The following CKLF variants were observed in gnomAD, a reference collection of about 807,000 sequenced individuals.
CKLF encodes chemokine like factor.
A neutral mutation model predicts 12.9 loss-of-function variants in CKLF; 16 were observed. That is an observed-to-expected ratio of 1.24 (90% CI 0.84 to 1.88). The LOEUF is 1.88. Among genes scored for constraint, CKLF ranks in the 40% most tolerant of loss-of-function variants. The pLI is 0.00. For missense variants in CKLF, 172 were observed against 188.5 expected, an observed-to-expected ratio of 0.91 and a Z score of 0.51; for synonymous variants, 61 against 69.0, an observed-to-expected ratio of 0.88 and a Z score of 0.57.
intron 3 of CKLF, 196 bp from the exon 4 acceptor site, chr16:66,565,690 A>C (rs1463547414): frequency 8.4e-6 from 5 of 598,714 alleles, no homozygotes; most frequent in Non-Finnish European, 1.5e-5. Context: ...TTCTATAGGC[A>C]AGTATTTAGA....
At chr16:66,553,028 C>T (rs1344390235) in intron 1 of CKLF, among the ~76,000 whole-genome samples, 1 of 152,080 alleles carries the variant, frequency 6.6e-6, no homozygotes, top group East Asian at 1.9e-4. Flanking sequence ...GGCGCCGTGG[C>T]GCACACCTGT....
intron 2 of CKLF, among the ~76,000 whole-genome samples, chr16:66,561,100 G>C (rs1391377107): frequency 1.3e-5 from 2 of 152,178 alleles, no homozygotes; most frequent in Admixed American, 1.3e-4. Flanking sequence ...ATGGCTGACT[G>C]TTCCAATTAA....
At chr16:66,562,730 C>G (rs1244790584) in intron 2 of CKLF, among the ~76,000 whole-genome samples, 1 of 151,980 alleles carries the variant, frequency 6.6e-6, no homozygotes, top group East Asian at 1.9e-4. Context: ...GAAGCTGACT[C>G]CTTTTGTTGC....
intron 3 of CKLF, among the ~76,000 whole-genome samples, chr16:66,564,680 A>C (rs8060922): frequency 0.25 from 38,603 of 152,066 alleles, 7,340 homozygotes; most frequent in African/African-American, 0.53. Flanking sequence ...CCGTGTTAAC[A>C]AGGATGGTCT....
Position 66,558,226 on chromosome 16 carries a change from G to A in CKLF, c.115G>A (p.Ala39Thr), listed in dbSNP as rs770812519. The A allele has an allele frequency of 1.9e-5, 31 of 1,611,724 alleles. No homozygotes were observed. The highest frequency in any genetic ancestry group is 3.4e-5 in the Admixed American group (2 of 59,498). ...GACATCTATGACCTTTTTTATCATC[G>A]CACAAGCCCCTGAACCATATATTGT... ...TVTSMTFFII[A>T]QAPEPYIVIT... Residue 39 changes from alanine (A) to threonine (T), a missense_variant, in exon 2 of 4, where the codon GCA becomes ACA. Physicochemically the swap from Ala to Thr is moderately conservative, Grantham distance 58. Transcript: ENST00000264001.
chr16:66,558,455 A>C, intron 2 of CKLF, 107 bp downstream of exon 2: 1 of 1,447,236 alleles, frequency 6.9e-7, no homozygotes, highest in Non-Finnish European at 9.2e-7. Context: ...AATCTCTGTT[A>C]GGCTTAGGAA....
Position 66,552,759 on chromosome 16 carries a change from T to G in CKLF, c.44T>G (p.Phe15Cys). 1 of 1,614,108 alleles carries G rather than the reference T, an allele frequency of 6.2e-7. No individual in the cohort carries two copies. The highest frequency in any genetic ancestry group is 8.5e-7 in the Non-Finnish European group (1 of 1,179,974). The part of the protein sequence containing the change: ...QPKIKHRPFC[F>C]SVKGHVKMLR... ...AAAATAAAACATCGCCCCTTCTGCT[T>G]CAGTGTGAAAGGCCACGTGAAGATG... is the stretch of plus-strand genomic sequence containing the variant. The change falls in exon 1 of 4, where the codon TTC becomes TGC. Residue 15 changes from phenylalanine to cysteine, a missense_variant. Physicochemically the swap from Phe to Cys is radical, Grantham distance 205. Transcript: ENST00000264001.
chr16:66,565,852 T>C (rs772653706), intron 3 of CKLF, 34 bp from the exon 4 acceptor site: 6 of 1,609,374 alleles, frequency 3.7e-6, no homozygotes, highest in Non-Finnish European at 5.1e-6. Context: ...GTGGGGACCA[T>C]GGTTAGGGCA....
At chr16:66,565,207 A>G (rs1278990327) in intron 3 of CKLF, among the ~76,000 whole-genome samples, 1 of 152,152 alleles carries the variant, frequency 6.6e-6, no homozygotes, top group Non-Finnish European at 1.5e-5. Context: ...CTTCCTGATG[A>G]CTGGAAGAAG....
intron 2 of CKLF, among the ~76,000 whole-genome samples, chr16:66,559,783 T>C (rs1426008262): frequency 6.6e-6 from 1 of 152,210 alleles, no homozygotes; most frequent in East Asian, 1.9e-4. Context: ...TTTACTGATA[T>C]TGTATCTCTT....
chr16:66,554,548 A>G (rs2011338100), intron 1 of CKLF, among the ~76,000 whole-genome samples: 1 of 152,266 alleles, frequency 6.6e-6, no homozygotes, highest in Non-Finnish European at 1.5e-5. Context: ...GCCCTCGTGG[A>G]GTACACATTA....
At chr16:66,556,250 C>A (rs982107991) in intron 1 of CKLF, among the ~76,000 whole-genome samples, 1 of 151,684 alleles carries the variant, frequency 6.6e-6, no homozygotes, top group South Asian at 2.1e-4. Context: ...ATGGCAATAA[C>A]GTCATAGGGG....
chr16:66,552,571 AAGAGAG>A, exon 1 of CKLF: 1 of 1,323,112 alleles, frequency 7.6e-7, no homozygotes, highest in South Asian at 1.3e-5. Flanking sequence ...GCATGCGCGC[AAGAGAG>A]CGGGAAGCCG....
chr16:66,560,798 TACACACACACACACACAC>T (rs58084691), intron 2 of CKLF, among the ~76,000 whole-genome samples: 11 of 143,648 alleles, frequency 7.7e-5, no homozygotes, highest in Admixed American at 3.5e-4. Flanking sequence ...AAGATAAGTA[TACACACACACACACACAC>T]ACACACACAC....
intron 1 of CKLF, 60 bp downstream of exon 1, chr16:66,552,853 G>A: frequency 1.2e-6 from 2 of 1,611,960 alleles, no homozygotes; most frequent in African/African-American, 2.7e-5. Context: ...GGGAGATGTG[G>A]GTGTGAAGTG....
intron 2 of CKLF, among the ~76,000 whole-genome samples, chr16:66,560,798 TACAC>T (rs58084691): frequency 0.04 from 5,688 of 143,544 alleles, 206 homozygotes; most frequent in African/African-American, 0.091. Context: ...AAGATAAGTA[TACAC>T]ACACACACAC....
In CKLF at chr16:66,552,714, C is replaced by A. The variant is rs1411243873; in HGVS notation, c.-2C>A. On this transcript the variant is annotated 5_prime_UTR_variant, in exon 1 of 4. Transcript: ENST00000264001. The stretch of plus-strand genomic sequence containing the variant: ...AGTGCTGCTGCTGGGTCTGCAGACG[C>A]GATGGATAACGTGCAGCCGAAAATA... 4 of 1,614,018 alleles carry A rather than the reference C, an allele frequency of 2.5e-6. No homozygotes were observed. The highest frequency in any genetic ancestry group is 1.7e-6 in the Non-Finnish European group (2 of 1,180,036).
intron 3 of CKLF, chr16:66,565,531 G>A (rs1332910072): frequency 4.8e-6 from 1 of 207,692 alleles, no homozygotes; most frequent in African/African-American, 2.3e-5. Flanking sequence ...GTTGAACACT[G>A]GGGTTAGAAA....
intron 2 of CKLF, among the ~76,000 whole-genome samples, chr16:66,561,469 G>A (rs2011712350): frequency 1.3e-5 from 2 of 152,212 alleles, no homozygotes; most frequent in South Asian, 2.1e-4. Flanking sequence ...GTGTTTCGGG[G>A]CAGGCATATC....
Sources: allele counts gnomAD v4.1 joint callset (sites outside exome capture counted in the v4.1 genomes callset), GRCh38; gene constraint gnomAD v4.1.1; transcripts MANE v1.5; gene names NCBI Gene and HGNC (gene_info 2026-07-23, HGNC 2026-07-21).